The following EIF3E variants were observed in gnomAD, a reference collection of about 807,000 sequenced individuals.
EIF3E encodes the protein eIF-3 p48.
EIF3E carries 25 observed loss-of-function variants against 59.3 expected under a neutral mutation model. The ratio of observed to expected loss-of-function variants is 0.42; its 90% CI spans 0.31 to 0.59. The LOEUF (loss-of-function observed/expected upper bound fraction) is 0.59. Ranked by LOEUF, EIF3E falls within the 20% of genes least tolerant of loss-of-function variation. The pLI, the probability that EIF3E is intolerant of heterozygous loss-of-function variation, is 0.15. For missense variants in EIF3E, 317 were observed against 534.3 expected (o/e 0.59, Z 4.01); for synonymous variants, 176 against 170.2 (o/e 1.03, Z -0.26).
chr8:108,244,746 T>C (rs919947170), intron 1 of EIF3E, among the ~76,000 whole-genome samples: 2 of 152,140 alleles, frequency 1.3e-5, no homozygotes, highest in Admixed American at 1.3e-4. Flanking sequence ...AGTTCTATCA[T>C]TGATTCTTTC....
chr8:108,217,259 C>G, intron 8 of EIF3E, 75 bp downstream of exon 8: 1 of 1,208,120 alleles, frequency 8.3e-7, no homozygotes. Context: ...AGAACTAAGT[C>G]TTACCTTAGA....
chr8:108,233,605 G>A, intron 5 of EIF3E: 1 of 352,634 alleles, frequency 2.8e-6, no homozygotes, highest in South Asian at 2.1e-5. Flanking sequence ...GCATTGAAAG[G>A]CTGAGGAGGG....
At chr8:108,220,520 A>G (rs1030723199) in intron 7 of EIF3E, among the ~76,000 whole-genome samples, 1 of 152,232 alleles carries the variant, frequency 6.6e-6, no homozygotes, top group African/African-American at 2.4e-5. Flanking sequence ...CTTATGATTC[A>G]TACCATGTTG....
In EIF3E at chr8:108,223,323, C is replaced by T. The variant is rs576982250; in HGVS notation, c.722+4944G>A. ...GGCTTTAAAAAGAGAAAAACAAAAA[C>T]ACAGGTAGGACACTAAGTAGACCTC... On this transcript the variant is annotated intron_variant, in intron 7 of 12. Coordinates refer to ENST00000220849, the MANE Select transcript of EIF3E (RefSeq NM_001568.3). Among the ~76,000 whole-genome samples, 6 of 152,228 alleles carry T rather than the reference C, an allele frequency of 3.9e-5. No individual in the cohort carries two copies. In the South Asian group the frequency reaches 1.2e-3, roughly 32 times the overall value.
chr8:108,247,261 A>G (rs1815965226), intron 1 of EIF3E, among the ~76,000 whole-genome samples: 1 of 152,192 alleles, frequency 6.6e-6, no homozygotes. Flanking sequence ...TAAAGAACAC[A>G]AAAATATATA....
At chr8:108,204,501 A>G (rs1001416102) in intron 10 of EIF3E, among the ~76,000 whole-genome samples, 2 of 151,990 alleles carry the variant, frequency 1.3e-5, no homozygotes, top group Non-Finnish European at 2.9e-5. Context: ...CTAAGCTATG[A>G]GCTAAAATCC....
At chr8:108,240,241 C>T (rs569464837) in intron 2 of EIF3E, 166 bp from the exon 3 acceptor site, 79 of 648,392 alleles carry the variant, frequency 1.2e-4, no homozygotes, top group South Asian at 3.6e-4. Context: ...TGTCCCCGAT[C>T]CCTAATTTCT....
At chr8:108,224,944 C>A (rs1200963229) in intron 7 of EIF3E, among the ~76,000 whole-genome samples, 2 of 151,460 alleles carry the variant, frequency 1.3e-5, no homozygotes, top group Admixed American at 6.6e-5. Context: ...AATCACGTAG[C>A]CCAAATTAAT....
intron 10 of EIF3E, among the ~76,000 whole-genome samples, chr8:108,204,746 T>TAGAGAGAGAGAGAGAGAG (rs1180256994): frequency 8.8e-6 from 1 of 113,688 alleles, no homozygotes; most frequent in Non-Finnish European, 1.8e-5. Context: ...TATATATATA[T>TAGAGAGAGAGAGAGAGAG]AGAGAGAGAG....
chr8:108,234,907 C>A, intron 5 of EIF3E, 91 bp downstream of exon 5: 6 of 728,550 alleles, frequency 8.2e-6, no homozygotes. Context: ...AATGAACAGA[C>A]CCAAATCTAT....
rs1246269707 is a variant in EIF3E, at chr8:108,242,200, C to G, written c.91-287G>C. 1.8e-5 allele frequency: 24 copies of G among 1,318,126 alleles called. No individual in the cohort carries two copies. In the East Asian group the frequency reaches 1.2e-3, roughly 65 times the overall value. 81.7% of individuals were successfully genotyped at this position (1,318,126 alleles called of 1,614,324 possible). A position where few individuals can be genotyped will look rare whatever the true frequency, so the allele number is the denominator to read the frequency against. ...CTTATTTTTTATGTGTCCCTACAAA[C>G]CATCTCTTACCCTTTCTAGGCAAGG... On this transcript the variant is annotated intron_variant, in intron 1 of 12. Transcript: ENST00000220849.
chr8:108,201,266 T>TATATATATA lies in EIF3E; in HGVS notation c.*618_*619insTATATATAT. 7.3e-6 allele frequency: 1 copy of TATATATATA among 136,154 alleles called. No individual in the cohort carries two copies. The highest frequency in any genetic ancestry group is 3.4e-5 in the African/African-American group (1 of 29,164). The allele number at this position is 136,154 out of a possible 1,614,324, so 8.4% of individuals were successfully genotyped here. A position where few individuals can be genotyped will look rare whatever the true frequency, so the allele number is the denominator to read the frequency against. ...ACTACTGATCATATATATATATATA[T>TATATATATA]CTATCTCTCAACTTGGATGGCTCTC... On this transcript the variant is annotated 3_prime_UTR_variant, in exon 13 of 13. Coordinates refer to ENST00000220849, the MANE Select transcript of EIF3E (RefSeq NM_001568.3).
chr8:108,237,955 T>C (rs927998040), intron 3 of EIF3E, among the ~76,000 whole-genome samples: 19 of 152,242 alleles, frequency 1.2e-4, no homozygotes, highest in Non-Finnish European at 1.9e-4. Context: ...TACAAGTTTT[T>C]AACACATGAT....
At chr8:108,213,715 G>T (rs1293200642) in intron 10 of EIF3E, among the ~76,000 whole-genome samples, 1 of 152,108 alleles carries the variant, frequency 6.6e-6, no homozygotes, top group Non-Finnish European at 1.5e-5. Flanking sequence ...TAATTTGTAA[G>T]AGAATCAGGT....
intron 3 of EIF3E, among the ~76,000 whole-genome samples, chr8:108,238,243 G>A (rs73699662): frequency 0.011 from 1,651 of 152,192 alleles, 22 homozygotes; most frequent in African/African-American, 0.034. Context: ...CTGTCTATGC[G>A]CATGATGTGT....
At chr8:108,222,836 T>C (rs1815444481) in intron 7 of EIF3E, among the ~76,000 whole-genome samples, 1 of 151,494 alleles carries the variant, frequency 6.6e-6, no homozygotes, top group African/African-American at 2.4e-5. Context: ...TAGTTTTTTT[T>C]TTTTTTTTTT....
chr8:108,231,048 C>G (rs562808271), intron 5 of EIF3E, among the ~76,000 whole-genome samples: 1 of 152,212 alleles, frequency 6.6e-6, no homozygotes, highest in African/African-American at 2.4e-5. Flanking sequence ...CAAAAAGGGT[C>G]TTTCTGAGGT....
intron 10 of EIF3E, among the ~76,000 whole-genome samples, chr8:108,211,784 T>C (rs1024014726): frequency 6.6e-6 from 1 of 152,240 alleles, no homozygotes. Flanking sequence ...ACAGCAGCCC[T>C]GCTGCAAATC....
chr8:108,224,622 T>C (rs1417206171), intron 7 of EIF3E, among the ~76,000 whole-genome samples: 3 of 151,608 alleles, frequency 2.0e-5, no homozygotes, highest in South Asian at 2.1e-4. Context: ...CACAGTACTT[T>C]TGTAAACAAC....
Sources: allele counts gnomAD v4.1 joint callset (sites outside exome capture counted in the v4.1 genomes callset), GRCh38; gene constraint gnomAD v4.1.1; transcripts MANE v1.5; gene names NCBI Gene and HGNC (gene_info 2026-07-23, HGNC 2026-07-21).